ADAMTS3: variants seen among roughly 807,000 people sequenced by gnomAD.
ADAMTS3 encodes the protein A disintegrin and metalloproteinase with thrombospondin motifs 3.
ADAMTS3 carries 73 observed loss-of-function variants against 129.0 expected under a neutral mutation model. The observed-to-expected ratio is 0.57, with a 90% CI of 0.47 to 0.69. The LOEUF (loss-of-function observed/expected upper bound fraction) is 0.69. Ranked by LOEUF, ADAMTS3 falls within the 30% of genes least tolerant of loss-of-function variation. The pLI is 0.00. For missense variants in ADAMTS3, 1,457 were observed against 1,514.5 expected, an observed-to-expected ratio of 0.96 and a Z score of 0.63; for synonymous variants, 477 against 510.8, an observed-to-expected ratio of 0.93 and a Z score of 0.89.
intron 5 of ADAMTS3, among the ~76,000 whole-genome samples, chr4:72,334,162 A>G (rs1397979459): frequency 6.6e-6 from 1 of 151,964 alleles, no homozygotes; most frequent in Non-Finnish European, 1.5e-5. Context: ...CATCATGTCT[A>G]TGTATAACCT....
At chr4:72,481,992 G>C (rs1269884908) in intron 3 of ADAMTS3, among the ~76,000 whole-genome samples, 1 of 152,008 alleles carries the variant, frequency 6.6e-6, no homozygotes. Flanking sequence ...CAAAAACATA[G>C]TGACATCACC....
At position 72,569,052 on chromosome 4, in the gene ADAMTS3, G is replaced by C. The variant is rs572811499; in HGVS notation, c.-290C>G. On this transcript the variant is annotated 5_prime_UTR_variant, in exon 1 of 22. Transcript: ENST00000286657. ...GCGGGCACAGGCTAAGCCTGGGAGA[G>C]GGGGAAGGGACGAGGGGCTTTCCAA... 8.3e-6 allele frequency: 4 copies of C among 484,812 alleles called. No individual in the cohort carries two copies. The highest frequency in any genetic ancestry group is 7.7e-5 in the African/African-American group (4 of 51,670). 30.0% of individuals were successfully genotyped at this position (484,812 alleles called of 1,614,324 possible).
chr4:72,472,631 A>G (rs1045661520), intron 3 of ADAMTS3, among the ~76,000 whole-genome samples: 24 of 152,294 alleles, frequency 1.6e-4, no homozygotes, highest in Admixed American at 1.5e-3. Flanking sequence ...ATTCTGTTCA[A>G]GAGAAATATT....
intron 3 of ADAMTS3, among the ~76,000 whole-genome samples, chr4:72,482,744 G>A (rs1320492766): frequency 6.6e-6 from 1 of 152,132 alleles, no homozygotes; most frequent in East Asian, 1.9e-4. Flanking sequence ...TAAAAAAAAT[G>A]TAGATCATGA....
intron 4 of ADAMTS3, among the ~76,000 whole-genome samples, chr4:72,389,456 CAT>C (rs370085874): frequency 1.3e-4 from 19 of 151,006 alleles, no homozygotes; most frequent in African/African-American, 2.4e-4. Flanking sequence ...ATGATATACA[CAT>C]GTCTATAATT....
Position 72,479,948 on chromosome 4 carries a change from T to C in ADAMTS3, c.505-64977A>G, listed in dbSNP as rs980821629. ...AGCCAAAAGACACATGAAAAAATGCTCATCATCACTGGCCATCAGAGAAAT... is the reference window on the plus strand; with the variant it reads ...AGCCAAAAGACACATGAAAAAATGCCCATCATCACTGGCCATCAGAGAAAT... On this transcript the variant is annotated intron_variant, in intron 3 of 21. Coordinates refer to ENST00000286657, the MANE Select transcript of ADAMTS3 (RefSeq NM_014243.3). Among the ~76,000 whole-genome samples the C allele has an allele frequency of 5.4e-4, 82 of 152,196 alleles. 1 individual carries two copies. The highest frequency in any genetic ancestry group is 2.0e-3 in the African/African-American group (82 of 41,524).
At chr4:72,463,646 T>C (rs1418236500) in intron 3 of ADAMTS3, among the ~76,000 whole-genome samples, 7 of 150,334 alleles carry the variant, frequency 4.7e-5, no homozygotes, top group Non-Finnish European at 1.0e-4. Flanking sequence ...TTAGTTGACA[T>C]TTTTTTACTA....
intron 3 of ADAMTS3, among the ~76,000 whole-genome samples, chr4:72,418,238 T>C (rs1021423948): frequency 2.0e-5 from 3 of 152,228 alleles, no homozygotes; most frequent in South Asian, 2.1e-4. Context: ...GAAATGTTCC[T>C]AGTCCACATC....
chr4:72,418,417 C>G (rs1398915146), intron 3 of ADAMTS3, among the ~76,000 whole-genome samples: 5 of 152,164 alleles, frequency 3.3e-5, no homozygotes, highest in Non-Finnish European at 7.4e-5. Flanking sequence ...GTGCTTCTTT[C>G]TCACTCACAT....
intron 3 of ADAMTS3, among the ~76,000 whole-genome samples, chr4:72,520,120 C>T (rs1720619788): frequency 6.6e-6 from 1 of 152,224 alleles, no homozygotes; most frequent in African/African-American, 2.4e-5. Context: ...CCCTGTTTGC[C>T]TGGGTATCAG....
chr4:72,538,612 C>A (rs1721240309), intron 3 of ADAMTS3, among the ~76,000 whole-genome samples: 1 of 152,106 alleles, frequency 6.6e-6, no homozygotes, highest in Admixed American at 6.5e-5. Context: ...ACTACACCTT[C>A]TGCAATAAAT....
At chr4:72,528,521 T>TAAAAAAA (rs11324929) in intron 3 of ADAMTS3, among the ~76,000 whole-genome samples, 4 of 89,674 alleles carry the variant, frequency 4.5e-5, no homozygotes, top group Non-Finnish European at 5.6e-5. Context: ...AAGTGAAAAC[T>TAAAAAAA]AAAAAAAAAA....
intron 2 of ADAMTS3, among the ~76,000 whole-genome samples, chr4:72,557,349 T>C (rs1215307435): frequency 6.6e-6 from 1 of 151,684 alleles, no homozygotes; most frequent in Non-Finnish European, 1.5e-5. Context: ...CGTAAACACT[T>C]AAGGGGAATG....
At position 72,282,102 on chromosome 4, in the gene ADAMTS3, T is replaced by C. The variant is rs1248809637; in HGVS notation, c.*1034A>G. 1 of 152,214 alleles carries C rather than the reference T, an allele frequency of 6.6e-6. No homozygotes were observed. Among genetic ancestry groups the C allele is most frequent in the Non-Finnish European group, 1.5e-5 (1 of 68,030 alleles). 9.4% of individuals were successfully genotyped at this position (152,214 alleles called of 1,614,324 possible). A position where few individuals can be genotyped will look rare whatever the true frequency, so the allele number is the denominator to read the frequency against. ...TATCAATTCTAGACTGATGATATTT[T>C]TCTCAGCTACCAACATACAAATAAG... On this transcript the variant is annotated 3_prime_UTR_variant, in exon 22 of 22. Coordinates refer to ENST00000286657, the MANE Select transcript of ADAMTS3 (RefSeq NM_014243.3).
intron 5 of ADAMTS3, among the ~76,000 whole-genome samples, chr4:72,329,949 C>T (rs971870385): frequency 2.6e-5 from 4 of 152,036 alleles, no homozygotes; most frequent in African/African-American, 9.7e-5. Flanking sequence ...CATGTTTCCC[C>T]TGCAATATTC....
At position 72,283,192 on chromosome 4, in the gene ADAMTS3, C is replaced by T. The variant is rs1393233603; in HGVS notation, c.3562G>A (p.Asp1188Asn). The change falls in exon 22 of 22, where the codon GAT (aspartate) becomes AAT (asparagine). Residue 1188 changes from aspartate (D) to asparagine (N), a missense_variant. Coordinates refer to ENST00000286657, the MANE Select transcript of ADAMTS3 (RefSeq NM_014243.3). ...ASSQARTSKK[D>N]GKIIDNRRPT... is the part of the protein sequence containing the mutation. ...CGTCTGTTGTCAATGATCTTTCCAT[C>T]TTTCTTTGAGGTTCTTGCCTGAGAA... 1 of 1,613,790 alleles carries T rather than the reference C, an allele frequency of 6.2e-7. No homozygotes were observed. The highest frequency in any genetic ancestry group is 8.5e-7 in the Non-Finnish European group (1 of 1,179,832).
chr4:72,298,052 GAGAGAAAAGGGCA>G (rs1158294708), intron 18 of ADAMTS3, among the ~76,000 whole-genome samples: 1 of 152,080 alleles, frequency 6.6e-6, no homozygotes, highest in East Asian at 1.9e-4. Context: ...CAAAGGACCT[GAGAGAAAAGGGCA>G]AGAGGATTTT....
At position 72,477,833 on chromosome 4, in the gene ADAMTS3, G is replaced by C. The variant is rs534070871; in HGVS notation, c.505-62862C>G. On this transcript the variant is annotated intron_variant, in intron 3 of 21. Transcript: ENST00000286657. ...GAAAAAAAGTGAGAAGAATCAAATA[G>C]ACGCAATAAAAAATGATAAAGGGGA... Among the ~76,000 whole-genome samples, 3 of 151,968 alleles carry C rather than the reference G, an allele frequency of 2.0e-5. 1 individual carries two copies. In the South Asian group the frequency reaches 6.3e-4, roughly 32 times the overall value.
At chr4:72,508,428 G>A (rs1720221552) in intron 3 of ADAMTS3, among the ~76,000 whole-genome samples, 1 of 152,016 alleles carries the variant, frequency 6.6e-6, no homozygotes, top group African/African-American at 2.4e-5. Context: ...AAAACAATGA[G>A]TATGGTCATA....
Sources: allele counts gnomAD v4.1 joint callset (sites outside exome capture counted in the v4.1 genomes callset), GRCh38; gene constraint gnomAD v4.1.1; transcripts MANE v1.5; gene names NCBI Gene and HGNC (gene_info 2026-07-23, HGNC 2026-07-21).